Variants in CFAP54 observed in about 807,000 individuals in gnomAD.
CFAP54 encodes the protein cilia- and flagella-associated protein 54.
In CFAP54, 290 loss-of-function variants were observed where a neutral mutation model predicts 370.4. That is an observed-to-expected ratio of 0.78 (90% confidence interval 0.71 to 0.86). The LOEUF (loss-of-function observed/expected upper bound fraction) is 0.86, where lower values mean the gene tolerates loss of function less well. Ranked by LOEUF, CFAP54 falls within the 40% of genes least tolerant of loss-of-function variation. CFAP54 has a pLI of 0.00. For missense variants in CFAP54, 3,399 were observed against 3,528.7 expected (o/e 0.96, Z 0.93); for synonymous variants, 1,206 against 1,236.5 (o/e 0.98, Z 0.52).
chr12:96,733,589 A>G (rs1490196600), intron 50 of CFAP54, among the ~76,000 whole-genome samples: 1 of 132,226 alleles, frequency 7.6e-6, no homozygotes, highest in African/African-American at 2.8e-5. Context: ...TCTCCTTTAC[A>G]TTTGATCTAT....
chr12:96,605,100 G>A (rs950980134), intron 26 of CFAP54, among the ~76,000 whole-genome samples: 1 of 152,194 alleles, frequency 6.6e-6, no homozygotes, highest in Non-Finnish European at 1.5e-5. Flanking sequence ...TTCCGATTCA[G>A]CCATCTTGGA....
At chr12:96,792,627 C>CTAGACAATGTAG in intron 63 of CFAP54, 128 bp downstream of exon 63, 3 of 603,192 alleles carry the variant, frequency 5.0e-6, no homozygotes, top group Non-Finnish European at 7.8e-6. Flanking sequence ...ATATAATCTA[C>CTAGACAATGTAG]ATTGTCTAGT....
chr12:96,661,539 A>G (rs1180700741), intron 38 of CFAP54, among the ~76,000 whole-genome samples: 1 of 152,210 alleles, frequency 6.6e-6, no homozygotes, highest in African/African-American at 2.4e-5. Flanking sequence ...ACTCATAGGC[A>G]GTCAGTGAGG....
At chr12:96,598,980 T>C (rs929370173) in intron 26 of CFAP54, among the ~76,000 whole-genome samples, 2 of 151,942 alleles carry the variant, frequency 1.3e-5, no homozygotes, top group Admixed American at 6.6e-5. Flanking sequence ...TAAAACTTGA[T>C]GTTATTGAAA....
chr12:96,545,613 C>T (rs1448503676), intron 14 of CFAP54, among the ~76,000 whole-genome samples: 1 of 152,194 alleles, frequency 6.6e-6, no homozygotes, highest in African/African-American at 2.4e-5. Context: ...GCCTCCGTGA[C>T]CCAGTCATCT....
rs192278445 is a variant in CFAP54, at chr12:96,569,754, C to T, written c.2619+4989C>T. Among the ~76,000 whole-genome samples, 2 of 152,206 alleles carry T rather than the reference C, an allele frequency of 1.3e-5. 1 individual carries two copies. Among genetic ancestry groups the T allele is most frequent in the Admixed American group, 1.3e-4 (2 of 15,282 alleles). ...TCTAATTTATGGTACCATTTTGGAC[C>T]AGAACTAACGAAGAAATTCAGGGGT... On this transcript the variant is annotated intron_variant, in intron 19 of 67. Coordinates refer to ENST00000524981, the MANE Select transcript of CFAP54 (RefSeq NM_001306084.2).
intron 3 of CFAP54, among the ~76,000 whole-genome samples, chr12:96,505,009 T>G (rs1288723763): frequency 6.6e-6 from 1 of 151,650 alleles, no homozygotes; most frequent in African/African-American, 2.4e-5. Context: ...TTTCTTTCTT[T>G]CTTTCTTTTT....
intron 39 of CFAP54, among the ~76,000 whole-genome samples, chr12:96,668,719 G>A (rs1224679163): frequency 1.3e-5 from 2 of 152,164 alleles, no homozygotes; most frequent in Non-Finnish European, 2.9e-5. Context: ...AATAGAATGA[G>A]ATGAAAATGG....
intron 60 of CFAP54, among the ~76,000 whole-genome samples, chr12:96,778,399 CT>C (rs1174900298): frequency 2.0e-5 from 3 of 152,106 alleles, no homozygotes; most frequent in African/African-American, 7.2e-5. Flanking sequence ...ATTTTAAAAT[CT>C]TTTTTCTTTA....
At chr12:96,710,949 C>T (rs1322684949) in intron 48 of CFAP54, among the ~76,000 whole-genome samples, 2 of 152,104 alleles carry the variant, frequency 1.3e-5, no homozygotes, top group Non-Finnish European at 2.9e-5. Context: ...GTGTTCCCTC[C>T]TCTTTTATAT....
rs1956525516 is a variant in CFAP54 at position 96,623,837 on chromosome 12, A to G, written c.3842A>G (p.Gln1281Arg). 6.5e-7 allele frequency: 1 copy of G among 1,535,736 alleles called. No individual in the cohort carries two copies. Among genetic ancestry groups the G allele is most frequent in the African/African-American group, 1.4e-5 (1 of 73,048 alleles). Reference protein sequence around the residue: ...QILLPEKINEQLALLETHLLK... With the variant: ...QILLPEKINERLALLETHLLK... ...CTACTGCCTGAAAAGATAAATGAAC[A>G]GCTGGCCTTGTTGGAGACACACCTA... Residue 1281 changes from glutamine (Q) to arginine (R), a missense_variant, in exon 28 of 68, where the codon CAG becomes CGG. Gln to Arg is a conservative substitution (Grantham distance 43). Transcript: ENST00000524981.
chr12:96,564,983 T>C, intron 19 of CFAP54: 1 of 292,118 alleles, frequency 3.4e-6, no homozygotes, highest in Non-Finnish European at 6.2e-6. Flanking sequence ...CTTCATGCAA[T>C]CTACATGAGA....
intron 63 of CFAP54, among the ~76,000 whole-genome samples, chr12:96,794,456 T>C (rs1958736530): frequency 6.6e-6 from 1 of 151,888 alleles, no homozygotes; most frequent in Admixed American, 6.6e-5. Context: ...TTTTTGTCTT[T>C]GTTGGATTGG....
intron 66 of CFAP54, among the ~76,000 whole-genome samples, chr12:96,860,035 C>A (rs1259897931): frequency 6.6e-6 from 1 of 150,846 alleles, no homozygotes; most frequent in Non-Finnish European, 1.5e-5. Context: ...CCTCCAAATA[C>A]AATATTCACA....
At chr12:96,526,490 G>A (rs1204818736) in intron 8 of CFAP54, among the ~76,000 whole-genome samples, 1 of 152,146 alleles carries the variant, frequency 6.6e-6, no homozygotes, top group Non-Finnish European at 1.5e-5. Context: ...ATCCTGTGGT[G>A]CTTATTAAAA....
chr12:96,854,136 A>G (rs1959633538), intron 66 of CFAP54, among the ~76,000 whole-genome samples: 2 of 152,148 alleles, frequency 1.3e-5, no homozygotes, highest in Admixed American at 1.3e-4. Context: ...ATTATCTGCT[A>G]AAAGGATTAA....
At chr12:96,754,453 A>C (rs1295016692) in intron 56 of CFAP54, among the ~76,000 whole-genome samples, 1 of 152,190 alleles carries the variant, frequency 6.6e-6, no homozygotes, top group African/African-American at 2.4e-5. Context: ...ATTAAATGCT[A>C]GGTGCTGTAT....
chr12:96,510,808 C>G (rs898674342), intron 4 of CFAP54, among the ~76,000 whole-genome samples: 1 of 151,842 alleles, frequency 6.6e-6, no homozygotes, highest in African/African-American at 2.4e-5. Flanking sequence ...ACTAAAAATA[C>G]AAAAATTAGC....
chr12:96,566,755 C>G (rs961710020), intron 19 of CFAP54, among the ~76,000 whole-genome samples: 3 of 152,134 alleles, frequency 2.0e-5, no homozygotes, highest in African/African-American at 7.2e-5. Flanking sequence ...ATCTGTCAAT[C>G]TATTCATCCA....
Sources: gnomAD v4.1 joint callset for allele counts (sites outside exome capture counted in the v4.1 genomes callset) on GRCh38, gnomAD v4.1.1 for gene constraint, MANE v1.5 for transcripts, NCBI Gene and HGNC (gene_info 2026-07-23, HGNC 2026-07-21) for gene names.